Variants in DMXL1 observed in about 807,000 individuals in gnomAD.
DMXL1 encodes the protein dmX-like protein 1.
In DMXL1, 99 loss-of-function variants were observed where a neutral mutation model predicts 319.2. The ratio of observed to expected loss-of-function variants is 0.31; its 90% CI spans 0.26 to 0.37. The LOEUF (loss-of-function observed/expected upper bound fraction) is 0.37. Ranked by LOEUF, DMXL1 falls within the 10% of genes least tolerant of loss-of-function variation. The pLI is 1.00. For missense variants in DMXL1, 3,745 were observed against 3,595.6 expected (o/e 1.04, Z -1.06); for synonymous variants, 1,385 against 1,235.2 (o/e 1.12, Z -2.54).
intron 40 of DMXL1, among the ~76,000 whole-genome samples, chr5:119,237,724 TA>T: frequency 2.0e-5 from 3 of 152,154 alleles, no homozygotes; most frequent in Admixed American, 2.0e-4. Flanking sequence ...ATATTATGCC[TA>T]AATAGAATGA....
At chr5:119,102,827 G>A (rs546810321) in intron 3 of DMXL1, among the ~76,000 whole-genome samples, 80 of 152,238 alleles carry the variant, frequency 5.3e-4, no homozygotes, top group Non-Finnish European at 1.0e-3. Flanking sequence ...CCGTCTGAAA[G>A]AAGATAAGTG....
intron 1 of DMXL1, among the ~76,000 whole-genome samples, chr5:119,085,305 C>T (rs556336386): frequency 6.6e-6 from 1 of 151,728 alleles, no homozygotes; most frequent in Non-Finnish European, 1.5e-5. Context: ...GCACTCCAGC[C>T]TGGGCAACAG....
chr5:119,129,547 C>T (rs1764339427), intron 10 of DMXL1, 124 bp downstream of exon 10: 1 of 664,762 alleles, frequency 1.5e-6, no homozygotes, highest in Non-Finnish European at 2.5e-6. Context: ...CAAACATGGA[C>T]TAGCTCATTT....
In DMXL1 at chr5:119,196,360, T is replaced by C; in HGVS notation, c.7458-11T>C. Reference sequence around the variant, plus strand: ...AAATAGTTAACAGATCCATCGTTGCTTTATTTTTAGTTGGTCCTTGATGCG... The same window carrying C: ...AAATAGTTAACAGATCCATCGTTGCCTTATTTTTAGTTGGTCCTTGATGCG... On this transcript the variant is annotated splice_polypyrimidine_tract_variant and intron_variant, in intron 30 of 43. Transcript: ENST00000539542. The C allele has an allele frequency of 1.9e-6, 3 of 1,611,120 alleles. No individual in the cohort carries two copies. The highest frequency in any genetic ancestry group is 2.5e-6 in the Non-Finnish European group (3 of 1,177,250).
rs757598468 is a variant in DMXL1 at position 119,121,191 on chromosome 5, A to G, written c.1102+52A>G. 7 of 1,442,522 alleles carry G rather than the reference A, an allele frequency of 4.9e-6. No homozygotes were observed. The Admixed American group carries it at 1.1e-4, about 23-fold the overall frequency. 89.4% of individuals were successfully genotyped at this position (1,442,522 alleles called of 1,614,324 possible). A position where few individuals can be genotyped will look rare whatever the true frequency, so the allele number is the denominator to read the frequency against. On this transcript the variant is annotated intron_variant, in intron 9 of 43. Transcript: ENST00000539542. ...TTCTGAAATTGAATAGATTGATTTT[A>G]TAACAACTAAGTTATACTTTTAGTT...
chr5:119,089,292 A>ATATATAT (rs1193170456), intron 1 of DMXL1, among the ~76,000 whole-genome samples: 1 of 39,882 alleles, frequency 2.5e-5, no homozygotes, highest in East Asian at 4.0e-3. Context: ...ATATATATAT[A>ATATATAT]TTTTTTTTTT....
intron 19 of DMXL1, among the ~76,000 whole-genome samples, chr5:119,156,215 C>T (rs539679182): frequency 4.6e-5 from 7 of 152,306 alleles, no homozygotes; most frequent in African/African-American, 1.7e-4. Flanking sequence ...GCAAGATTCT[C>T]CATCAGCAAA....
intron 13 of DMXL1, among the ~76,000 whole-genome samples, chr5:119,139,482 C>T (rs927778862): frequency 2.0e-5 from 3 of 152,146 alleles, no homozygotes; most frequent in African/African-American, 7.2e-5. Context: ...ATCCTGATTT[C>T]AGACAAAGCA....
intron 9 of DMXL1, among the ~76,000 whole-genome samples, chr5:119,124,693 G>A (rs997264991): frequency 4.0e-5 from 6 of 151,274 alleles, no homozygotes; most frequent in Non-Finnish European, 1.5e-5. Flanking sequence ...AGCCTCCTGA[G>A]TAGCTGGGAT....
At chr5:119,117,391 G>T (rs1259762106) in intron 7 of DMXL1, among the ~76,000 whole-genome samples, 1 of 152,028 alleles carries the variant, frequency 6.6e-6, no homozygotes, top group African/African-American at 2.4e-5. Flanking sequence ...CACACCATGT[G>T]GCATTTTTTC....
chr5:119,147,522 C>A, intron 17 of DMXL1, 52 bp downstream of exon 17: 1 of 1,287,952 alleles, frequency 7.8e-7, no homozygotes, highest in Non-Finnish European at 1.1e-6. Flanking sequence ...GAGTATTTAC[C>A]AGGTATTTAA....
At chr5:119,142,614 G>A (rs1767652877) in intron 13 of DMXL1, among the ~76,000 whole-genome samples, 1 of 151,810 alleles carries the variant, frequency 6.6e-6, no homozygotes, top group Admixed American at 6.6e-5. Context: ...CAACCGTTGT[G>A]GAAAGCAGTA....
At chr5:119,211,620 T>G (rs1189013276) in intron 34 of DMXL1, among the ~76,000 whole-genome samples, 1 of 152,236 alleles carries the variant, frequency 6.6e-6, no homozygotes. Context: ...CCCTAATATT[T>G]GGGGTATTGA....
intron 32 of DMXL1, among the ~76,000 whole-genome samples, chr5:119,202,343 C>T (rs1287174347): frequency 6.6e-6 from 1 of 152,090 alleles, no homozygotes; most frequent in African/African-American, 2.4e-5. Context: ...GAAATCCAGA[C>T]CTCTCCATGC....
intron 32 of DMXL1, among the ~76,000 whole-genome samples, chr5:119,199,172 G>T (rs1170230435): frequency 6.6e-6 from 1 of 152,112 alleles, no homozygotes; most frequent in Admixed American, 6.6e-5. Flanking sequence ...TTAGCTGTGA[G>T]CCACCATGCC....
chr5:119,123,148 C>T (rs892157458), intron 9 of DMXL1, among the ~76,000 whole-genome samples: 5 of 151,968 alleles, frequency 3.3e-5, no homozygotes, highest in East Asian at 1.9e-4. Flanking sequence ...CAAAAAAATA[C>T]GAAAACCAGT....
intron 1 of DMXL1, among the ~76,000 whole-genome samples, chr5:119,090,557 C>T (rs529749288): frequency 7.2e-5 from 10 of 139,756 alleles, no homozygotes; most frequent in Non-Finnish European, 7.7e-5. Context: ...TTTTTCTCCT[C>T]TGTTTTTTTT....
Position 119,167,874 on chromosome 5 carries a change from A to T in DMXL1, c.5398+10A>T. Reference sequence around the variant, plus strand: ...ATCAGAGAGAATGATGGTAAGCTGCACTTCTAAGATGTTAATGATTAAGAA... The same window carrying T: ...ATCAGAGAGAATGATGGTAAGCTGCTCTTCTAAGATGTTAATGATTAAGAA... On this transcript the variant is annotated intron_variant, in intron 23 of 43. Transcript: ENST00000539542. The T allele has an allele frequency of 6.2e-7, 1 of 1,607,198 alleles. No individual in the cohort carries two copies. The highest frequency in any genetic ancestry group is 1.1e-5 in the South Asian group (1 of 89,356).
At chr5:119,193,406 T>C (rs904779143) in intron 29 of DMXL1, among the ~76,000 whole-genome samples, 11 of 152,214 alleles carry the variant, frequency 7.2e-5, no homozygotes, top group Admixed American at 5.9e-4. Flanking sequence ...TCTTGTCATT[T>C]AGTTCTCGTA....
Sources: allele counts gnomAD v4.1 joint callset (sites outside exome capture counted in the v4.1 genomes callset), GRCh38; gene constraint gnomAD v4.1.1; transcripts MANE v1.5; gene names NCBI Gene and HGNC (gene_info 2026-07-23, HGNC 2026-07-21).